Variants in SUSD6 observed in about 807,000 individuals in gnomAD.
SUSD6 encodes the protein sushi domain-containing protein 6.
In SUSD6, 16 loss-of-function variants were observed where a neutral mutation model predicts 28.4. The observed-to-expected ratio is 0.56, with a 90% CI of 0.38 to 0.86. The LOEUF (loss-of-function observed/expected upper bound fraction) is 0.86. SUSD6 is among the 40% of genes least tolerant of loss of function. The pLI, the probability that SUSD6 is intolerant of heterozygous loss-of-function variation, is 0.00. For synonymous variants in SUSD6, 147 were observed against 159.6 expected (o/e 0.92, Z 0.59); for missense variants, 341 against 384.2 (o/e 0.89, Z 0.94).
chr14:69,704,963 A>C (rs1054423627), intron 4 of SUSD6, among the ~76,000 whole-genome samples: 2 of 152,158 alleles, frequency 1.3e-5, no homozygotes, highest in Non-Finnish European at 2.9e-5. Flanking sequence ...ATTGCAGATG[A>C]GGAAATTGAG....
At chr14:69,639,719 G>A (rs532630402) in intron 1 of SUSD6, among the ~76,000 whole-genome samples, 1 of 152,296 alleles carries the variant, frequency 6.6e-6, no homozygotes, top group Non-Finnish European at 1.5e-5. Flanking sequence ...CACTGATGTT[G>A]GATCAAGTGA....
At chr14:69,647,873 T>A (rs1885450574) in intron 1 of SUSD6, among the ~76,000 whole-genome samples, 1 of 152,018 alleles carries the variant, frequency 6.6e-6, no homozygotes, top group African/African-American at 2.4e-5. Context: ...TACTTCTAGC[T>A]AATCGGGTGG....
intron 2 of SUSD6, among the ~76,000 whole-genome samples, chr14:69,686,283 G>C (rs542953079): frequency 1.1e-4 from 17 of 152,238 alleles, no homozygotes; most frequent in African/African-American, 4.1e-4. Context: ...TCTCTAAAAG[G>C]CAGGCTATAA....
At chr14:69,659,230 G>A (rs17836296) in intron 2 of SUSD6, among the ~76,000 whole-genome samples, 7,041 of 152,256 alleles carry the variant, frequency 0.046, 225 homozygotes, top group Middle Eastern at 0.082. Flanking sequence ...GTCTTTCTGC[G>A]CTTTTTCTCA....
intron 1 of SUSD6, among the ~76,000 whole-genome samples, chr14:69,656,698 C>T (rs1441742466): frequency 2.0e-5 from 3 of 152,176 alleles, no homozygotes; most frequent in Non-Finnish European, 2.9e-5. Flanking sequence ...ATCAACTCTA[C>T]GAAGTTAGTA....
chr14:69,649,617 C>T (rs1316569900), intron 1 of SUSD6, among the ~76,000 whole-genome samples: 4 of 152,036 alleles, frequency 2.6e-5, no homozygotes, highest in Admixed American at 2.6e-4. Flanking sequence ...TTGTTGAGCA[C>T]TTGGGGGCAG....
Position 69,626,787 on chromosome 14 carries a change from A to G in SUSD6, c.-81+14959A>G, listed in dbSNP as rs548695163. The stretch of plus-strand genomic sequence containing the variant: ...TTCGAACTCCTGGACTTAAGTGCTT[A>G]TCTTCCCAGCTCAGCCTCCTAAGCA... On this transcript the variant is annotated intron_variant, in intron 1 of 5. Coordinates refer to ENST00000342745, the MANE Select transcript of SUSD6 (RefSeq NM_014734.4). 2.0e-5 allele frequency among the ~76,000 whole-genome samples: 3 copies of G among 151,798 alleles called. No individual in the cohort carries two copies. In the East Asian group the frequency reaches 5.8e-4, roughly 29 times the overall value.
intron 2 of SUSD6, among the ~76,000 whole-genome samples, chr14:69,701,838 TA>T (rs538737291): frequency 9.2e-5 from 14 of 152,190 alleles, no homozygotes; most frequent in African/African-American, 3.4e-4. Context: ...TGGCATCACC[TA>T]AAAAAAGAAA....
At chr14:69,619,267 A>AT (rs35285969) in intron 1 of SUSD6, among the ~76,000 whole-genome samples, 7,486 of 152,330 alleles carry the variant, frequency 0.049, 225 homozygotes, top group East Asian at 0.15. Flanking sequence ...GCAGTGAGTC[A>AT]TTAAGTCCAA....
intron 1 of SUSD6, among the ~76,000 whole-genome samples, chr14:69,627,248 G>A (rs1885128027): frequency 6.6e-6 from 1 of 152,186 alleles, no homozygotes; most frequent in Non-Finnish European, 1.5e-5. Flanking sequence ...CAAGAGTGAT[G>A]ACTAAAAGTT....
chr14:69,684,523 T>C (rs1256734532), intron 2 of SUSD6, among the ~76,000 whole-genome samples: 3 of 152,214 alleles, frequency 2.0e-5, no homozygotes, highest in African/African-American at 7.2e-5. Flanking sequence ...GAGTAAATTA[T>C]TGCCAAGGGA....
intron 1 of SUSD6, among the ~76,000 whole-genome samples, chr14:69,629,328 G>A (rs1230202767): frequency 6.6e-6 from 1 of 152,142 alleles, no homozygotes; most frequent in East Asian, 1.9e-4. Context: ...TCTGTATTTA[G>A]GTAGATGGCC....
chr14:69,638,423 A>AGTGTGTGTGTGTGTGTGTGT (rs10637124), intron 1 of SUSD6, among the ~76,000 whole-genome samples: 3 of 139,244 alleles, frequency 2.2e-5, no homozygotes, highest in South Asian at 2.4e-4. Context: ...TGGGGTGGGG[A>AGTGTGTGTGTGTGTGTGTGT]GTGTGTGTGT....
At chr14:69,661,968 TA>T (rs914197814) in intron 2 of SUSD6, among the ~76,000 whole-genome samples, 2 of 151,680 alleles carry the variant, frequency 1.3e-5, no homozygotes, top group Non-Finnish European at 2.9e-5. Context: ...CCCAGTTAAT[TA>T]AAAAAAAATT....
At position 69,710,986 on chromosome 14, in the gene SUSD6, C is replaced by T. The variant is rs369117762; in HGVS notation, c.*7C>T. 3.3e-5 allele frequency: 53 copies of T among 1,613,710 alleles called. No individual in the cohort carries two copies. Among genetic ancestry groups the T allele is most frequent in the African/African-American group, 9.3e-5 (7 of 74,912 alleles). On this transcript the variant is annotated 3_prime_UTR_variant, in exon 6 of 6. Coordinates refer to ENST00000342745, the MANE Select transcript of SUSD6 (RefSeq NM_014734.4). The stretch of plus-strand genomic sequence containing the variant: ...ACTGTTGAAAGAAGCATGAGGGCAG[C>T]GGCCAGCCTTTCCTCTCTGCGAGGT...
At chr14:69,617,925 C>A (rs1051022743) in intron 1 of SUSD6, among the ~76,000 whole-genome samples, 1 of 152,098 alleles carries the variant, frequency 6.6e-6, no homozygotes, top group African/African-American at 2.4e-5. Context: ...AGAGCAGCCC[C>A]CACAGGGCTT....
chr14:69,617,923 C>A (rs1326193890), intron 1 of SUSD6, among the ~76,000 whole-genome samples: 1 of 152,040 alleles, frequency 6.6e-6, no homozygotes, highest in African/African-American at 2.4e-5. Flanking sequence ...TTAGAGCAGC[C>A]CCCACAGGGC....
chr14:69,640,854 T>G (rs544826169), intron 1 of SUSD6, among the ~76,000 whole-genome samples: 2 of 152,348 alleles, frequency 1.3e-5, no homozygotes, highest in East Asian at 3.9e-4. Flanking sequence ...GCTGTAAGAC[T>G]GGAATTACAG....
intron 2 of SUSD6, among the ~76,000 whole-genome samples, chr14:69,679,583 T>C (rs1594715005): frequency 2.0e-5 from 3 of 152,102 alleles, no homozygotes; most frequent in African/African-American, 7.2e-5. Flanking sequence ...TTTTGCTTTT[T>C]TTTTTTTTTA....
Sources: gnomAD v4.1 joint callset for allele counts (sites outside exome capture counted in the v4.1 genomes callset) on GRCh38, gnomAD v4.1.1 for gene constraint, MANE v1.5 for transcripts, NCBI Gene and HGNC (gene_info 2026-07-23, HGNC 2026-07-21) for gene names.